PARN: variants seen among roughly 807,000 people sequenced by gnomAD.
The protein encoded by PARN is poly(A)-specific ribonuclease PARN.
Under a neutral mutation model 102.8 loss-of-function variants are expected in PARN, and 71 were observed. The observed-to-expected ratio is 0.69, with a 90% CI of 0.57 to 0.84. The LOEUF is 0.84. Among genes scored for constraint, PARN ranks in the 40% least tolerant of loss-of-function variants. PARN has a pLI of 0.00. For synonymous variants in PARN, 261 were observed against 252.9 expected (o/e 1.03, Z -0.30); for missense variants, 782 against 760.9 (o/e 1.03, Z -0.33).
chr16:14,608,864 G>A (rs1401259585), intron 8 of PARN, among the ~76,000 whole-genome samples, 194 bp downstream of exon 8: 1 of 152,168 alleles, frequency 6.6e-6, no homozygotes, highest in Non-Finnish European at 1.5e-5. Flanking sequence ...ACAGGACAAA[G>A]CATTCATTCA....
intron 22 of PARN, among the ~76,000 whole-genome samples, chr16:14,456,836 A>T (rs1961703027): frequency 6.6e-6 from 1 of 152,160 alleles, no homozygotes; most frequent in Non-Finnish European, 1.5e-5. Flanking sequence ...CCCACGGAGG[A>T]GCCGAAACAG....
At chr16:14,581,043 A>G (rs1388914026) in intron 17 of PARN, 100 bp from the exon 18 acceptor site, 4 of 683,282 alleles carry the variant, frequency 5.9e-6, no homozygotes, top group African/African-American at 3.5e-5. Context: ...ATGGTTCAAC[A>G]AGTGTGAAAG....
intron 23 of PARN, among the ~76,000 whole-genome samples, chr16:14,445,501 T>C (rs1961159988): frequency 6.6e-6 from 1 of 152,188 alleles, no homozygotes; most frequent in Admixed American, 6.5e-5. Flanking sequence ...GGAGAATGAT[T>C]ATAATTGTGT....
chr16:14,548,625 G>C (rs961732687), intron 21 of PARN, among the ~76,000 whole-genome samples: 1 of 152,132 alleles, frequency 6.6e-6, no homozygotes, highest in East Asian at 1.9e-4. Context: ...TGAAAGCACA[G>C]AGAATGAGGT....
rs1967507568 is a variant in PARN, at chr16:14,554,158, G to A, written c.1319-7C>T. ...TGATCACGTTTAGGCTGCACTACAAGACAAATTTATGATGAAATATTGATG... is the reference window on the plus strand; with the variant it reads ...TGATCACGTTTAGGCTGCACTACAAAACAAATTTATGATGAAATATTGATG... On this transcript the variant is annotated splice_polypyrimidine_tract_variant and splice_region_variant and intron_variant, in intron 19 of 23. Transcript: ENST00000437198. 4.4e-6 allele frequency: 7 copies of A among 1,596,002 alleles called. No individual in the cohort carries two copies. The highest frequency in any genetic ancestry group is 1.1e-5 in the South Asian group (1 of 89,110).
intron 18 of PARN, among the ~76,000 whole-genome samples, chr16:14,579,628 G>A (rs16963803): frequency 6.6e-6 from 1 of 151,812 alleles, no homozygotes; most frequent in African/African-American, 2.4e-5. Context: ...AAATACTGCA[G>A]AACAATGAAT....
chr16:14,598,828 TGA>T lies in PARN; in HGVS notation c.840+1074_840+1075del, dbSNP rs769108697. Among the ~76,000 whole-genome samples, 89 of 152,080 alleles carry T rather than the reference TGA, an allele frequency of 5.9e-4. 2 individuals are homozygous for T. Among genetic ancestry groups the T allele is most frequent in the Non-Finnish European group, 4.9e-4 (33 of 68,020 alleles). ...CTGGCAGTGAGACAGCATGAAACCT[TGA>T]GAGGGTTTCTATGGCCTTAAAGCTT... On this transcript the variant is annotated intron_variant, in intron 12 of 23. Coordinates refer to ENST00000437198, the MANE Select transcript of PARN (RefSeq NM_002582.4).
At chr16:14,620,423 A>G (rs945601070) in intron 5 of PARN, among the ~76,000 whole-genome samples, 1 of 152,252 alleles carries the variant, frequency 6.6e-6, no homozygotes, top group Admixed American at 6.5e-5. Flanking sequence ...AATACTATAG[A>G]TGAAACACAA....
At chr16:14,610,271 G>A (rs980597324) in intron 7 of PARN, among the ~76,000 whole-genome samples, 1 of 152,014 alleles carries the variant, frequency 6.6e-6, no homozygotes, top group Non-Finnish European at 1.5e-5. Flanking sequence ...CCAGGAGTTC[G>A]AGACCAGCGT....
intron 21 of PARN, among the ~76,000 whole-genome samples, chr16:14,530,434 C>A (rs1966261406): frequency 6.6e-6 from 1 of 152,014 alleles, no homozygotes. Flanking sequence ...CCTGAAGTGC[C>A]TGAGTTCAAA....
In PARN at chr16:14,598,133, A is replaced by C. The variant is rs142683514; in HGVS notation, c.840+1771T>G. 8.6e-4 allele frequency among the ~76,000 whole-genome samples: 131 copies of C among 151,628 alleles called. No homozygotes were observed. In the East Asian group the frequency reaches 0.016, roughly 19 times the overall value. On this transcript the variant is annotated intron_variant, in intron 12 of 23. Coordinates refer to ENST00000437198, the MANE Select transcript of PARN (RefSeq NM_002582.4). ...CACTCCAGCAGGACAACAGAGCGAGACTCCGGCTCAAAAAATATATATATA... is the reference window on the plus strand; with the variant it reads ...CACTCCAGCAGGACAACAGAGCGAGCCTCCGGCTCAAAAAATATATATATA...
At chr16:14,547,269 G>C (rs1375874885) in intron 21 of PARN, among the ~76,000 whole-genome samples, 1 of 152,046 alleles carries the variant, frequency 6.6e-6, no homozygotes, top group South Asian at 2.1e-4. Context: ...GGGTTACCAC[G>C]TATCCAAACA....
At chr16:14,556,861 A>G (rs910762953) in intron 18 of PARN, among the ~76,000 whole-genome samples, 2 of 152,118 alleles carry the variant, frequency 1.3e-5, no homozygotes, top group East Asian at 3.9e-4. Context: ...GAAATAAGTG[A>G]CTGTCTCAAA....
At chr16:14,507,989 C>T (rs564087697) in intron 21 of PARN, among the ~76,000 whole-genome samples, 1 of 152,222 alleles carries the variant, frequency 6.6e-6, no homozygotes, top group African/African-American at 2.4e-5. Flanking sequence ...TATGATTACA[C>T]CTACATAAAA....
intron 21 of PARN, among the ~76,000 whole-genome samples, chr16:14,506,749 G>A (rs1964913349): frequency 6.6e-6 from 1 of 152,196 alleles, no homozygotes; most frequent in Non-Finnish European, 1.5e-5. Flanking sequence ...CCAGCTACTT[G>A]AGAGGCTGAG....
At chr16:14,510,445 T>C (rs1362782563) in intron 21 of PARN, among the ~76,000 whole-genome samples, 1 of 152,116 alleles carries the variant, frequency 6.6e-6, no homozygotes, top group Non-Finnish European at 1.5e-5. Context: ...GCTATAAACT[T>C]AGGAATAATT....
intron 21 of PARN, among the ~76,000 whole-genome samples, chr16:14,523,320 T>C (rs1682730125): frequency 1.3e-5 from 2 of 150,570 alleles, no homozygotes; most frequent in South Asian, 4.2e-4. Context: ...ACAAAAATAA[T>C]TAGTAAATAT....
At position 14,628,255 on chromosome 16, in the gene PARN, G is replaced by C. The variant is rs772004845; in HGVS notation, c.98-4C>G. 1 of 1,566,952 alleles carries C rather than the reference G, an allele frequency of 6.4e-7. No individual in the cohort carries two copies. The highest frequency in any genetic ancestry group is 8.7e-7 in the Non-Finnish European group (1 of 1,143,256). On this transcript the variant is annotated splice_region_variant and splice_polypyrimidine_tract_variant and intron_variant, in intron 2 of 23. Transcript: ENST00000437198. The stretch of plus-strand genomic sequence containing the variant: ...ACTGAAGGTCCATCACTGATTCCTA[G>C]ATTTTAAGAAATAAAAATTTTTAGC...
intron 5 of PARN, among the ~76,000 whole-genome samples, chr16:14,619,346 T>A (rs2151811562): frequency 1.3e-5 from 2 of 152,178 alleles, no homozygotes; most frequent in South Asian, 4.2e-4. Context: ...ACACCTGTAA[T>A]CCCAGCACTT....
Sources: allele counts gnomAD v4.1 joint callset (sites outside exome capture counted in the v4.1 genomes callset), GRCh38; gene constraint gnomAD v4.1.1; transcripts MANE v1.5; gene names NCBI Gene and HGNC (gene_info 2026-07-23, HGNC 2026-07-21).